Variants in KLHL14 observed in about 807,000 individuals in gnomAD.
The protein encoded by KLHL14 is kelch like family member 14, also known as kelch-like protein 14.
KLHL14 carries 22 observed loss-of-function variants against 64.3 expected under a neutral mutation model. The observed-to-expected ratio is 0.34, with a 90% confidence interval of 0.24 to 0.49. The LOEUF is 0.49. Ranked by LOEUF, KLHL14 falls within the 20% of genes least tolerant of loss-of-function variation. The pLI, the probability that KLHL14 is intolerant of heterozygous loss-of-function variation, is 0.99. For missense variants in KLHL14, 661 were observed against 789.0 expected (o/e 0.84, Z 1.94); for synonymous variants, 322 against 333.4 (o/e 0.97, Z 0.37).
At chr18:32,741,255 C>G (rs1331996458) in intron 3 of KLHL14, among the ~76,000 whole-genome samples, 1 of 152,132 alleles carries the variant, frequency 6.6e-6, no homozygotes, top group Non-Finnish European at 1.5e-5. Flanking sequence ...TGAGTGAGTC[C>G]GATTGGGAAT....
At chr18:32,747,856 C>A (rs2050231490) in intron 2 of KLHL14, among the ~76,000 whole-genome samples, 1 of 152,076 alleles carries the variant, frequency 6.6e-6, no homozygotes. Flanking sequence ...TCCTATATTT[C>A]TTCTAATTAA....
At chr18:32,747,223 C>T (rs946430131) in intron 2 of KLHL14, among the ~76,000 whole-genome samples, 8 of 152,056 alleles carry the variant, frequency 5.3e-5, no homozygotes, top group Admixed American at 6.6e-5. Context: ...TACCAGGGTC[C>T]GGTTTCATGG....
At chr18:32,714,697 T>A (rs1037260958) in intron 3 of KLHL14, among the ~76,000 whole-genome samples, 1 of 152,172 alleles carries the variant, frequency 6.6e-6, no homozygotes, top group Admixed American at 6.5e-5. Flanking sequence ...CTGTTCAAAC[T>A]CGCCTTTCGT....
At chr18:32,720,684 A>T (rs2050074295) in intron 3 of KLHL14, among the ~76,000 whole-genome samples, 2 of 139,558 alleles carry the variant, frequency 1.4e-5, no homozygotes. Context: ...AGTAACTAGA[A>T]TAAAAAAGGC....
intron 5 of KLHL14, among the ~76,000 whole-genome samples, chr18:32,682,585 A>G (rs542172580): frequency 1.3e-5 from 2 of 152,250 alleles, no homozygotes; most frequent in East Asian, 3.9e-4. Context: ...AAAAATTGAG[A>G]TTTTTCTGGT....
intron 3 of KLHL14, among the ~76,000 whole-genome samples, chr18:32,715,690 G>T (rs191877646): frequency 6.6e-6 from 1 of 152,144 alleles, no homozygotes; most frequent in African/African-American, 2.4e-5. Flanking sequence ...AAATACGGGT[G>T]ATCTTTTTTG....
chr18:32,770,601 A>T lies in KLHL14; in HGVS notation c.-10T>A. 6.6e-7 allele frequency: 1 copy of T among 1,522,484 alleles called. No individual in the cohort carries two copies. The highest frequency in any genetic ancestry group is 8.8e-7 in the Non-Finnish European group (1 of 1,134,774). 94.3% of individuals were successfully genotyped at this position (1,522,484 alleles called of 1,614,324 possible). ...CCCCGGATCTGGACATGGCGAGCTG[A>T]CTCGGTGCACCTGGCTTTAAACCCT... On this transcript the variant is annotated 5_prime_UTR_variant, in exon 2 of 9. Coordinates refer to ENST00000359358, the MANE Select transcript of KLHL14 (RefSeq NM_020805.3). This position sits in a 1 kb window ranked among gnomAD's most constrained non-coding sequence, Gnocchi z 6.7.
intron 2 of KLHL14, chr18:32,744,754 A>G (rs1012287429): frequency 1.3e-5 from 2 of 152,232 alleles, no homozygotes; most frequent in African/African-American, 4.8e-5. Flanking sequence ...GACAAGTTAC[A>G]CTGGTGATTC....
rs866902204 is a variant in KLHL14, at chr18:32,748,490, C to T, written c.948-6441G>A. Among the ~76,000 whole-genome samples the T allele has an allele frequency of 3.5e-4, 53 of 152,166 alleles. 1 individual carries two copies. Among genetic ancestry groups the T allele is most frequent in the African/African-American group, 1.2e-3 (48 of 41,448 alleles). Reference sequence around the variant, plus strand: ...GTTCACGCCATTCTCCTGCCTCAGCCTCCCGAGTAGCTGGGACTACAGGCG... The same window carrying T: ...GTTCACGCCATTCTCCTGCCTCAGCTTCCCGAGTAGCTGGGACTACAGGCG... On this transcript the variant is annotated intron_variant, in intron 2 of 8. Coordinates refer to ENST00000359358, the MANE Select transcript of KLHL14 (RefSeq NM_020805.3).
intron 2 of KLHL14, among the ~76,000 whole-genome samples, chr18:32,760,098 C>T (rs1417837972): frequency 6.6e-6 from 1 of 152,168 alleles, no homozygotes; most frequent in African/African-American, 2.4e-5. Flanking sequence ...AAACAGCCCT[C>T]TGTTGTTTTT....
chr18:32,764,779 G>A (rs1282142395), intron 2 of KLHL14, among the ~76,000 whole-genome samples: 1 of 152,100 alleles, frequency 6.6e-6, no homozygotes, highest in Non-Finnish European at 1.5e-5. Flanking sequence ...GAAGAGTAGT[G>A]TAGTTGCAAC....
intron 5 of KLHL14, among the ~76,000 whole-genome samples, chr18:32,681,218 A>T (rs1014637108): frequency 6.6e-6 from 1 of 152,142 alleles, no homozygotes; most frequent in Non-Finnish European, 1.5e-5. Context: ...AGGCTATAAG[A>T]TATTTTAAAT....
intron 2 of KLHL14, among the ~76,000 whole-genome samples, chr18:32,767,783 T>A (rs182814332): frequency 1.8e-3 from 273 of 152,368 alleles, no homozygotes; most frequent in Admixed American, 3.5e-3. Flanking sequence ...ATTTACTGGA[T>A]CAAATTTATA....
intron 3 of KLHL14, among the ~76,000 whole-genome samples, chr18:32,735,425 C>T (rs1218245472): frequency 2.0e-5 from 3 of 152,148 alleles, no homozygotes; most frequent in Non-Finnish European, 4.4e-5. Context: ...TCCTGTATGG[C>T]CTGGTCTCTG....
Position 32,770,116 on chromosome 18 carries a change from G to T in KLHL14, c.476C>A (p.Ser159Ter). 1 of 1,614,168 alleles carries T rather than the reference G, an allele frequency of 6.2e-7. No homozygotes were observed. The highest frequency in any genetic ancestry group is 1.3e-5 in the African/African-American group (1 of 75,062). Residue 159 changes from serine (S) to a stop codon, truncating the protein, a stop_gained, in exon 2 of 9, where the codon TCG (serine) becomes TAG (stop). Transcript: ENST00000359358. LOFTEE classifies it high-confidence loss of function. This position sits in a 1 kb window ranked among gnomAD's most constrained non-coding sequence, Gnocchi z 6.7. ...GGGGATGTGCAGGATCTTGCTGACCGACAGCACCTCCTCCACCGTGTCCAG... is the reference window on the plus strand; with the variant it reads ...GGGGATGTGCAGGATCTTGCTGACCTACAGCACCTCCTCCACCGTGTCCAG... Reference protein sequence around the residue: ...LSLDTVEEVLSVSKILHIPQV... With the variant: ...LSLDTVEEVL
At chr18:32,767,109 T>C (rs369048113) in intron 2 of KLHL14, among the ~76,000 whole-genome samples, 3 of 152,220 alleles carry the variant, frequency 2.0e-5, no homozygotes, top group African/African-American at 7.2e-5. Flanking sequence ...TTCTATTCAA[T>C]TGTCTTCAAT....
chr18:32,702,013 A>C (rs1456987379), intron 3 of KLHL14, among the ~76,000 whole-genome samples: 1 of 152,170 alleles, frequency 6.6e-6, no homozygotes. Context: ...CTAAATCTTC[A>C]TTTATTTGTG....
chr18:32,676,634 T>A (rs1426625554), intron 8 of KLHL14, among the ~76,000 whole-genome samples: 1 of 151,998 alleles, frequency 6.6e-6, no homozygotes, highest in East Asian at 1.9e-4. Flanking sequence ...ATTTTAAAAG[T>A]GGGGATAGAT....
At chr18:32,766,355 A>G (rs1309892876) in intron 2 of KLHL14, among the ~76,000 whole-genome samples, 2 of 152,186 alleles carry the variant, frequency 1.3e-5, no homozygotes, top group South Asian at 2.1e-4. Context: ...CATTTAATAT[A>G]CTAAACACTG....
Sources: gnomAD v4.1 joint callset for allele counts (sites outside exome capture counted in the v4.1 genomes callset) on GRCh38, gnomAD v4.1.1 for gene constraint, Gnocchi (gnomAD v3.1) non-coding constraint, MANE v1.5 for transcripts, NCBI Gene and HGNC (gene_info 2026-07-23, HGNC 2026-07-21) for gene names.